KCNK10: variants seen among roughly 807,000 people sequenced by gnomAD.
KCNK10 encodes potassium channel subfamily K member 10.
A neutral mutation model predicts 47.7 loss-of-function variants in KCNK10; 25 were observed. That is an observed-to-expected ratio of 0.52 (90% CI 0.38 to 0.73). KCNK10 has a LOEUF of 0.73. Ranked by LOEUF, KCNK10 falls within the 30% of genes least tolerant of loss-of-function variation. The pLI is 0.00. For missense variants in KCNK10, 563 were observed against 714.5 expected, an observed-to-expected ratio of 0.79 and a Z score of 2.42; for synonymous variants, 303 against 285.6, an observed-to-expected ratio of 1.06 and a Z score of -0.61.
chr14:88,212,109 A>AATATATATATATATAT lies in KCNK10; in HGVS notation c.681+15250_681+15265dup, dbSNP rs34318518. Among the ~76,000 whole-genome samples the AATATATATATATATAT allele has an allele frequency of 4.4e-3, 581 of 133,212 alleles. 13 individuals are homozygous for AATATATATATATATAT. Among genetic ancestry groups the AATATATATATATATAT allele is most frequent in the African/African-American group, 0.011 (394 of 35,782 alleles). 87.4% of individuals were successfully genotyped at this position (133,212 alleles called of 152,430 possible). On this transcript the variant is annotated intron_variant, in intron 4 of 6. Coordinates refer to ENST00000319231, the MANE Select transcript of KCNK10 (RefSeq NM_138317.3). The stretch of plus-strand genomic sequence containing the variant: ...ACTTTTGGTACTAACTGATAGTGAG[A>AATATATATATATATAT]ATATATATATATATATATATATCGA...
At chr14:88,228,822 G>A (rs1282369412) in intron 3 of KCNK10, among the ~76,000 whole-genome samples, 1 of 152,134 alleles carries the variant, frequency 6.6e-6, no homozygotes, top group African/African-American at 2.4e-5. Flanking sequence ...TAAAATGAGT[G>A]TTCAGGCTAG....
At chr14:88,286,939 A>G (rs1238947117) in intron 1 of KCNK10, among the ~76,000 whole-genome samples, 1 of 152,224 alleles carries the variant, frequency 6.6e-6, no homozygotes, top group Non-Finnish European at 1.5e-5. Flanking sequence ...GGTGCACCCT[A>G]CGGAGAAAAT....
At chr14:88,248,861 G>A (rs1484152516) in intron 2 of KCNK10, among the ~76,000 whole-genome samples, 1 of 152,130 alleles carries the variant, frequency 6.6e-6, no homozygotes, top group Non-Finnish European at 1.5e-5. Flanking sequence ...AAACTTCAGG[G>A]AAAGTTCTAG....
chr14:88,186,534 G>A lies in KCNK10; in HGVS notation c.1012-379C>T, dbSNP rs1343915340. ...TCATTCCCCCAACATACACTTGAGT[G>A]ACCATATATAGCTCACCTGAGACAA... On this transcript the variant is annotated intron_variant, in intron 6 of 6. Coordinates refer to ENST00000319231, the MANE Select transcript of KCNK10 (RefSeq NM_138317.3). The surrounding 1 kb of genome is among the most constrained non-coding windows in gnomAD (Gnocchi z 5.5). 6.6e-6 allele frequency among the ~76,000 whole-genome samples: 1 copy of A among 152,118 alleles called. No homozygotes were observed. The highest frequency in any genetic ancestry group is 1.5e-5 in the Non-Finnish European group (1 of 68,026).
chr14:88,200,993 T>C (rs1006238602), intron 4 of KCNK10, among the ~76,000 whole-genome samples: 16 of 152,178 alleles, frequency 1.1e-4, no homozygotes, highest in African/African-American at 3.9e-4. Context: ...ACCTCAAGAT[T>C]CCCTCTTCGT....
rs1433749623 is a variant in KCNK10 at position 88,186,552 on chromosome 14, T to C, written c.1012-397A>G. 6.6e-6 allele frequency among the ~76,000 whole-genome samples: 1 copy of C among 152,160 alleles called. No individual in the cohort carries two copies. The highest frequency in any genetic ancestry group is 1.5e-5 in the Non-Finnish European group (1 of 68,030). The stretch of plus-strand genomic sequence containing the variant: ...CTTGAGTGACCATATATAGCTCACC[T>C]GAGACAAGGAAATGCACCTCACTCA... On this transcript the variant is annotated intron_variant, in intron 6 of 6. Coordinates refer to ENST00000319231, the MANE Select transcript of KCNK10 (RefSeq NM_138317.3). This position sits in a 1 kb window ranked among gnomAD's most constrained non-coding sequence, Gnocchi z 5.5.
chr14:88,230,641 C>G (rs1424919971), intron 3 of KCNK10, among the ~76,000 whole-genome samples: 14 of 152,028 alleles, frequency 9.2e-5, no homozygotes, highest in Admixed American at 9.2e-4. Context: ...GGATGTGCAC[C>G]CTGTGCAGTC....
Position 88,180,773 on chromosome 14 carries a change from G to C in KCNK10, c.*4762C>G. The C allele has an allele frequency of 5.0e-6, 2 of 398,742 alleles. No homozygotes were observed. Among genetic ancestry groups the C allele is most frequent in the Non-Finnish European group, 8.8e-6 (2 of 226,058 alleles). The allele number at this position is 398,742 out of a possible 1,614,324, so 24.7% of individuals were successfully genotyped here. On this transcript the variant is annotated 3_prime_UTR_variant, in exon 7 of 7. Transcript: ENST00000319231. Reference sequence around the variant, plus strand: ...CTGAGGTTTACATGGAGTATGGATGGGTTGGTGAAGTCCAATGAAGGTATG... The same window carrying C: ...CTGAGGTTTACATGGAGTATGGATGCGTTGGTGAAGTCCAATGAAGGTATG...
intron 4 of KCNK10, among the ~76,000 whole-genome samples, chr14:88,207,344 C>T (rs1299163194): frequency 6.6e-6 from 1 of 151,868 alleles, no homozygotes; most frequent in Non-Finnish European, 1.5e-5. Flanking sequence ...GGCTAATTTT[C>T]TTGTATTTTT....
At position 88,323,168 on chromosome 14, in the gene KCNK10, G is replaced by GCA. The variant is rs1888586225; in HGVS notation, c.-371_-370insTG. 3 of 1,113,158 alleles carry GCA rather than the reference G, an allele frequency of 2.7e-6. No individual in the cohort carries two copies. Among genetic ancestry groups the GCA allele is most frequent in the Non-Finnish European group, 3.3e-6 (3 of 905,732 alleles). 69.0% of individuals were successfully genotyped at this position (1,113,158 alleles called of 1,614,324 possible). A position where few individuals can be genotyped will look rare whatever the true frequency, so the allele number is the denominator to read the frequency against. On this transcript the variant is annotated 5_prime_UTR_variant, in exon 1 of 7. Transcript: ENST00000319231. ...GGGGCTGCGCAGCCTGAAGGCTGGG[G>GCA]CTACGGAGAAGCCCACTGCAGTGTC...
intron 4 of KCNK10, among the ~76,000 whole-genome samples, chr14:88,207,772 A>T (rs1222080054): frequency 2.0e-5 from 3 of 152,208 alleles, no homozygotes; most frequent in Non-Finnish European, 4.4e-5. Context: ...CCGACCTCAC[A>T]CAACTCATAG....
At chr14:88,286,474 C>G (rs1443317961) in intron 1 of KCNK10, among the ~76,000 whole-genome samples, 1 of 152,108 alleles carries the variant, frequency 6.6e-6, no homozygotes, top group African/African-American at 2.4e-5. Context: ...ACCCAAGCAT[C>G]CTGCACACTG....
chr14:88,212,600 T>A (rs1477549252), intron 4 of KCNK10, among the ~76,000 whole-genome samples: 1 of 152,136 alleles, frequency 6.6e-6, no homozygotes, highest in Non-Finnish European at 1.5e-5. Flanking sequence ...CCACTGGCAA[T>A]GCTTGAAACA....
chr14:88,326,727 C>T, upstream of KCNK10: 1 of 479,908 alleles, frequency 2.1e-6, no homozygotes, highest in South Asian at 2.7e-5. Flanking sequence ...CCGGCTGGAG[C>T]GCACCAATAG....
At chr14:88,217,729 C>T (rs201120637) in intron 4 of KCNK10, among the ~76,000 whole-genome samples, 1,586 of 147,036 alleles carry the variant, frequency 0.011, 9 homozygotes, top group Non-Finnish European at 0.015. Context: ...TAATTTGAAT[C>T]TTTTTTTTTT....
At chr14:88,211,295 C>T (rs1021913984) in intron 4 of KCNK10, among the ~76,000 whole-genome samples, 4 of 152,126 alleles carry the variant, frequency 2.6e-5, no homozygotes, top group South Asian at 4.1e-4. Flanking sequence ...ATGAGGTTCC[C>T]GGAGTGGTGA....
rs3994047 is a variant in KCNK10, at chr14:88,274,549, TA to T, written c.53-10999del. ...CTGGGTGACAGAGTGAGACTCTATC[TA>T]AAAAAAAAAAAAAAAAGATCTTATG... On this transcript the variant is annotated intron_variant, in intron 1 of 6. Transcript: ENST00000319231. Among the ~76,000 whole-genome samples, 25 of 40,502 alleles carry T rather than the reference TA, an allele frequency of 6.2e-4. 2 individuals are homozygous for T. Among genetic ancestry groups the T allele is most frequent in the African/African-American group, 2.0e-3 (19 of 9,488 alleles). The allele number at this position is 40,502 out of a possible 152,430, so 26.6% of individuals were successfully genotyped here.
intron 1 of KCNK10, among the ~76,000 whole-genome samples, chr14:88,295,766 G>A (rs945977526): frequency 1.3e-5 from 2 of 152,120 alleles, no homozygotes; most frequent in Non-Finnish European, 2.9e-5. Flanking sequence ...ACCTCCACTA[G>A]TATCAGAAAC....
intron 4 of KCNK10, among the ~76,000 whole-genome samples, chr14:88,216,802 C>A (rs1885634691): frequency 6.6e-6 from 1 of 152,132 alleles, no homozygotes; most frequent in South Asian, 2.1e-4. Context: ...TACCTTCTTG[C>A]CGCCTAGGAA....
Sources: allele counts gnomAD v4.1 joint callset (sites outside exome capture counted in the v4.1 genomes callset), GRCh38; gene constraint gnomAD v4.1.1; non-coding constraint Gnocchi (gnomAD v3.1); transcripts MANE v1.5; gene names NCBI Gene and HGNC (gene_info 2026-07-23, HGNC 2026-07-21).